Variants in CYP3A43 observed in about 807,000 individuals in gnomAD.
CYP3A43 encodes cytochrome P450 3A43.
Under a neutral mutation model 58.0 loss-of-function variants are expected in CYP3A43, and 45 were observed. The ratio of observed to expected loss-of-function variants is 0.78; its 90% CI spans 0.61 to 0.99. The LOEUF is 0.99. CYP3A43 is among the 50% of genes least tolerant of loss of function. CYP3A43 has a pLI of 0.00. For missense variants in CYP3A43, 593 were observed against 591.9 expected (o/e 1.00, Z -0.02); for synonymous variants, 191 against 201.4 (o/e 0.95, Z 0.44).
intron 12 of CYP3A43, among the ~76,000 whole-genome samples, chr7:99,864,028 T>C (rs996543550): frequency 1.3e-5 from 2 of 148,730 alleles, no homozygotes; most frequent in Non-Finnish European, 2.9e-5. Flanking sequence ...TGAAGTGCAA[T>C]GATTACTTTG....
At chr7:99,865,127 C>A (rs974258134) in intron 12 of CYP3A43, among the ~76,000 whole-genome samples, 1 of 148,356 alleles carries the variant, frequency 6.7e-6, no homozygotes, top group Non-Finnish European at 1.5e-5. Flanking sequence ...AAAAGCAGGT[C>A]TCTGGCACAC....
intron 7 of CYP3A43, among the ~76,000 whole-genome samples, chr7:99,852,940 AC>A (rs931986839): frequency 6.6e-6 from 1 of 151,966 alleles, no homozygotes; most frequent in Admixed American, 6.6e-5. Context: ...CCTGGGGTAA[AC>A]CCCTCTTGGT....
At chr7:99,848,292 G>A (rs1230666994) in intron 6 of CYP3A43, 38 bp downstream of exon 6, 1 of 1,599,826 alleles carries the variant, frequency 6.3e-7, no homozygotes, top group Admixed American at 1.7e-5. Context: ...GCTGTCATGA[G>A]CCCCTCCAGC....
chr7:99,840,095 C>T (rs901289449), intron 3 of CYP3A43, among the ~76,000 whole-genome samples: 14 of 152,116 alleles, frequency 9.2e-5, no homozygotes, highest in East Asian at 1.9e-4. Context: ...GCTTGCTTAT[C>T]GATGTCTGCA....
intron 6 of CYP3A43, among the ~76,000 whole-genome samples, chr7:99,848,478 A>G (rs1219122966): frequency 6.6e-6 from 1 of 152,232 alleles, no homozygotes; most frequent in East Asian, 1.9e-4. Flanking sequence ...GGAATAACTT[A>G]TCTGTTACAT....
At position 99,849,557 on chromosome 7, in the gene CYP3A43, C is replaced by T; in HGVS notation, c.533C>T (p.Ala178Val). 1 of 1,607,596 alleles carries T rather than the reference C, an allele frequency of 6.2e-7. No homozygotes were observed. The highest frequency in any genetic ancestry group is 8.5e-7 in the Non-Finnish European group (1 of 1,178,422). The change falls in exon 7 of 13, where the codon GCC becomes GTC. Residue 178 changes from alanine (A) to valine (V), a missense_variant. Coordinates refer to ENST00000354829, the MANE Select transcript of CYP3A43 (RefSeq NM_057095.3). ...KSINLKDFFG[A>V]YTMDVITGTL... ...TTTACTCTACTCAGTTTCTTTGGGG[C>T]CTACACCATGGATGTAATCACTGGC... is the stretch of plus-strand genomic sequence containing the variant.
At position 99,863,700 on chromosome 7, in the gene CYP3A43, G is replaced by A. The variant is rs771877550; in HGVS notation, c.1416+1G>A. The A allele has an allele frequency of 9.5e-6, 15 of 1,571,636 alleles. No homozygotes were observed. Among genetic ancestry groups the A allele is most frequent in the African/African-American group, 2.7e-5 (2 of 73,532 alleles). ...CTTCAAACCTTGTAAAGAGACTCAG[G>A]TCAGTAAACTTTCTTATAAATAATG... On this transcript the variant is annotated splice_donor_variant, in intron 12 of 12. Transcript: ENST00000354829. LOFTEE classifies it high-confidence loss of function.
Position 99,855,601 on chromosome 7 carries a change from A to T in CYP3A43, c.681A>T (p.Pro227=), listed in dbSNP as rs372572438. 1.2e-6 allele frequency: 2 copies of T among 1,608,752 alleles called. No homozygotes were observed. Among genetic ancestry groups the T allele is most frequent in the African/African-American group, 2.7e-5 (2 of 74,576 alleles). The change falls in exon 8 of 13, where the codon CCA becomes CCT. Residue 227 remains proline (P), a synonymous_variant. Transcript: ENST00000354829. ...TTAATTTTCCTATAGCACTCTTTCC[A>T]TTTCTTACCCCAGTTTTTGAAGCCC... is the stretch of plus-strand genomic sequence containing the variant. The part of the protein sequence containing the change: ...DPFLLLISLF[P]FLTPVFEALN...
Position 99,859,954 on chromosome 7 carries a change from A to G in CYP3A43, c.990A>G (p.Lys330=). 6 of 1,612,508 alleles carry G rather than the reference A, an allele frequency of 3.7e-6. No homozygotes were observed. Among genetic ancestry groups the G allele is most frequent in the Non-Finnish European group, 5.1e-6 (6 of 1,179,316 alleles). The change falls in exon 10 of 13, where the codon AAA becomes AAG. Residue 330 remains lysine, a synonymous_variant. Coordinates refer to ENST00000354829, the MANE Select transcript of CYP3A43 (RefSeq NM_057095.3). Reference sequence around the variant, plus strand: ...CCACTCACCCTGATGTCCAGCAGAAACTGCAGGAGGAGATTGACGCAGTTT... The same window carrying G: ...CCACTCACCCTGATGTCCAGCAGAAGCTGCAGGAGGAGATTGACGCAGTTT... ...ELATHPDVQQ[K]LQEEIDAVLP...
chr7:99,845,949 G>T (rs960205760), intron 4 of CYP3A43, among the ~76,000 whole-genome samples: 1 of 150,464 alleles, frequency 6.6e-6, no homozygotes, highest in Non-Finnish European at 1.5e-5. Flanking sequence ...CTAATCTGGG[G>T]TATTTTTAGT....
At chr7:99,860,573 A>G (rs1818188739) in intron 10 of CYP3A43, among the ~76,000 whole-genome samples, 1 of 152,244 alleles carries the variant, frequency 6.6e-6, no homozygotes, top group African/African-American at 2.4e-5. Context: ...AATTCTGCCC[A>G]AATTGGAATT....
chr7:99,861,782 A>G lies in CYP3A43; in HGVS notation c.1196A>G (p.Tyr399Cys), dbSNP rs1177301457. Residue 399 changes from tyrosine (Y) to cysteine (C), a missense_variant, in exon 11 of 13, where the codon TAT (tyrosine) becomes TGT (cysteine). Tyr to Cys is a radical substitution (Grantham distance 194, BLOSUM62 -2). Coordinates refer to ENST00000354829, the MANE Select transcript of CYP3A43 (RefSeq NM_057095.3). ...PKGLAVMVPI[Y>C]ALHHDPKYWT... is the part of the protein sequence containing the mutation. ...GGGTTAGCAGTGATGGTTCCAATCT[A>G]TGCTCTTCACCATGACCCAAAGTAC... The G allele has an allele frequency of 1.9e-6, 3 of 1,614,056 alleles. No individual in the cohort carries two copies. Among genetic ancestry groups the G allele is most frequent in the South Asian group, 1.1e-5 (1 of 91,084 alleles).
At chr7:99,851,434 C>A (rs1262043564) in intron 7 of CYP3A43, among the ~76,000 whole-genome samples, 2 of 152,066 alleles carry the variant, frequency 1.3e-5, no homozygotes, top group African/African-American at 4.8e-5. Flanking sequence ...TATAATGGTT[C>A]TAATTTCTCT....
chr7:99,864,878 A>G (rs1242511355), intron 12 of CYP3A43, among the ~76,000 whole-genome samples: 1 of 148,722 alleles, frequency 6.7e-6, no homozygotes, highest in African/African-American at 2.6e-5. Flanking sequence ...AGTCACATTA[A>G]TAGAAAGATA....
chr7:99,865,998 C>T lies in CYP3A43; in HGVS notation c.1509C>T (p.Pro503=). ...VHLRDGITSG[P] ...TAAGAGATGGGATTACAAGTGGACC[C>T]TGACTTTCCCTAAGGACTTCCACTT... is the stretch of plus-strand genomic sequence containing the variant. Residue 503 remains proline, a synonymous_variant, in exon 13 of 13, where the codon CCC becomes CCT. Transcript: ENST00000354829. 6.3e-7 allele frequency: 1 copy of T among 1,587,658 alleles called. No homozygotes were observed. Among genetic ancestry groups the T allele is most frequent in the Non-Finnish European group, 8.6e-7 (1 of 1,164,354 alleles).
At chr7:99,852,861 C>T (rs1344241901) in intron 7 of CYP3A43, among the ~76,000 whole-genome samples, 1 of 152,150 alleles carries the variant, frequency 6.6e-6, no homozygotes, top group African/African-American at 2.4e-5. Flanking sequence ...TTGTCAAATG[C>T]TTTTACTCAT....
chr7:99,839,460 G>A (rs1196188393), intron 3 of CYP3A43: 1 of 608,528 alleles, frequency 1.6e-6, no homozygotes, highest in African/African-American at 1.8e-5. Context: ...TGAGAATTAA[G>A]TCATACCTTA....
At chr7:99,849,780 A>G in intron 7 of CYP3A43, 86 bp downstream of exon 7, 1 of 1,300,544 alleles carries the variant, frequency 7.7e-7, no homozygotes, top group South Asian at 1.6e-5. Flanking sequence ...AAATTCACAT[A>G]CCATATAATT....
intron 6 of CYP3A43, among the ~76,000 whole-genome samples, chr7:99,848,660 A>G (rs1161928692): frequency 1.3e-5 from 2 of 152,206 alleles, no homozygotes; most frequent in Non-Finnish European, 2.9e-5. Context: ...GGAAGTTGGA[A>G]TAACTTCAAT....
Sources: allele counts gnomAD v4.1 joint callset (sites outside exome capture counted in the v4.1 genomes callset), GRCh38; gene constraint gnomAD v4.1.1; transcripts MANE v1.5; gene names NCBI Gene and HGNC (gene_info 2026-07-23, HGNC 2026-07-21).